The following ZNF578 variants were observed in gnomAD, a reference collection of about 807,000 sequenced individuals.
ZNF578 encodes zinc finger protein 578.
In ZNF578, 8 loss-of-function variants were observed where a neutral mutation model predicts 8.3. That is an observed-to-expected ratio of 0.96 (90% CI 0.56 to 1.74). The LOEUF (loss-of-function observed/expected upper bound fraction) is 1.74, where lower values mean the gene tolerates loss of function less well. Among genes scored for constraint, ZNF578 ranks in the 40% most tolerant of loss-of-function variants. ZNF578 has a pLI of 0.00. For synonymous variants in ZNF578, 206 were observed against 232.2 expected (o/e 0.89, Z 1.03); for missense variants, 726 against 707.5 (o/e 1.03, Z -0.30).
Position 52,514,375 on chromosome 19 carries a change from G to A in ZNF578, c.*2221G>A, listed in dbSNP as rs143639199. ...TTGCATCCAGTTCAGATCGAGGTCT[G>A]CATGCTTTCTAGTCTTTGTTATTTA... is the stretch of plus-strand genomic sequence containing the variant. On this transcript the variant is annotated 3_prime_UTR_variant, in exon 6 of 6. Transcript: ENST00000421239. 5.3e-5 allele frequency among the ~76,000 whole-genome samples: 8 copies of A among 152,256 alleles called. No individual in the cohort carries two copies. Among genetic ancestry groups the A allele is most frequent in the Middle Eastern group, 3.4e-3 (1 of 294 alleles).
intron 2 of ZNF578, among the ~76,000 whole-genome samples, chr19:52,475,996 G>A (rs747228798): frequency 3.3e-5 from 5 of 152,096 alleles, no homozygotes; most frequent in Non-Finnish European, 7.4e-5. Context: ...GGACTGTTAA[G>A]TATGCCTTGA....
chr19:52,458,371 G>T (rs926832754), intron 2 of ZNF578: 1 of 148,696 alleles, frequency 6.7e-6, no homozygotes, highest in African/African-American at 2.5e-5. Flanking sequence ...ATCTCTCAAG[G>T]TTCCCCTGTT....
chr19:52,511,967 A>G lies in ZNF578; in HGVS notation c.1586A>G (p.His529Arg). Residue 529 changes from histidine to arginine, a missense_variant, in exon 6 of 6, where the codon CAT becomes CGT. His to Arg is a conservative substitution (Grantham distance 29). Transcript: ENST00000421239. ...AATGTACAGTCACACCTTTCACGTC[A>G]TCATAGACTTCATACTGGAGAGAAA... Reference protein sequence around the residue: ...TFNVQSHLSRHHRLHTGEKPY... With the variant: ...TFNVQSHLSRRHRLHTGEKPY... The G allele has an allele frequency of 1.2e-6, 2 of 1,614,134 alleles. No homozygotes were observed. The highest frequency in any genetic ancestry group is 1.3e-5 in the African/African-American group (1 of 75,044).
intron 2 of ZNF578, among the ~76,000 whole-genome samples, chr19:52,483,232 A>G (rs912591583): frequency 1.5e-4 from 23 of 152,156 alleles, no homozygotes; most frequent in African/African-American, 4.8e-4. Flanking sequence ...CCTGACCAAC[A>G]TGGAGAAACC....
intron 5 of ZNF578, among the ~76,000 whole-genome samples, chr19:52,507,278 C>T (rs2059428627): frequency 6.6e-6 from 1 of 152,130 alleles, no homozygotes; most frequent in Non-Finnish European, 1.5e-5. Flanking sequence ...ATCCCAGCTT[C>T]TTGAGAGGCT....
intron 2 of ZNF578, among the ~76,000 whole-genome samples, chr19:52,486,357 G>C (rs1044097273): frequency 6.6e-6 from 1 of 152,128 alleles, no homozygotes; most frequent in Non-Finnish European, 1.5e-5. Context: ...GACCAGTGCC[G>C]TCGTGGGTCC....
At chr19:52,494,576 C>T (rs1352312468) in intron 3 of ZNF578, among the ~76,000 whole-genome samples, 5 of 152,198 alleles carry the variant, frequency 3.3e-5, no homozygotes, top group African/African-American at 1.2e-4. Context: ...GACATGTTGA[C>T]TTCTGTCTAT....
intron 5 of ZNF578, among the ~76,000 whole-genome samples, chr19:52,508,073 A>G (rs1352292343): frequency 1.3e-5 from 2 of 150,314 alleles, no homozygotes; most frequent in East Asian, 2.0e-4. Flanking sequence ...GAGGCGGGGC[A>G]CGGTGGCTCA....
rs1256256243 is a variant in ZNF578, at chr19:52,514,882, C to A, written c.*2728C>A. ...TTCACCATGTTTGTCAGGCTGGTCTCAAACTCCTGACCTCGCGATCCACCC... is the reference window on the plus strand; with the variant it reads ...TTCACCATGTTTGTCAGGCTGGTCTAAAACTCCTGACCTCGCGATCCACCC... On this transcript the variant is annotated 3_prime_UTR_variant, in exon 6 of 6. Coordinates refer to ENST00000421239, the MANE Select transcript of ZNF578 (RefSeq NM_001099694.2). Among the ~76,000 whole-genome samples, 1 of 151,084 alleles carries A rather than the reference C, an allele frequency of 6.6e-6. No individual in the cohort carries two copies. The highest frequency in any genetic ancestry group is 1.5e-5 in the Non-Finnish European group (1 of 67,894).
chr19:52,485,991 A>G (rs71358875), intron 2 of ZNF578, among the ~76,000 whole-genome samples: 14,320 of 152,136 alleles, frequency 0.094, 1,063 homozygotes, highest in African/African-American at 0.21. Flanking sequence ...GTGAAAGAGG[A>G]AGGCCTCTTT....
At chr19:52,490,028 C>G (rs1263430416) in intron 2 of ZNF578, among the ~76,000 whole-genome samples, 1 of 152,168 alleles carries the variant, frequency 6.6e-6, no homozygotes, top group Non-Finnish European at 1.5e-5. Flanking sequence ...TCTGAACATC[C>G]CTTTTGGCCA....
At chr19:52,495,227 C>T (rs1418405941) in intron 3 of ZNF578, among the ~76,000 whole-genome samples, 1 of 138,854 alleles carries the variant, frequency 7.2e-6, no homozygotes, top group Non-Finnish European at 1.6e-5. Context: ...TGCAAGGGCA[C>T]GATCTTGGCT....
intron 3 of ZNF578, among the ~76,000 whole-genome samples, chr19:52,492,157 C>CAAAAAAAAAAAAAA (rs869249180): frequency 1.5e-5 from 1 of 67,638 alleles, no homozygotes; most frequent in Non-Finnish European, 2.8e-5. Flanking sequence ...GATTCTGTCT[C>CAAAAAAAAAAAAAA]AAAAAAAAAA....
chr19:52,499,561 G>A (rs1176258596), intron 3 of ZNF578, among the ~76,000 whole-genome samples: 6 of 152,100 alleles, frequency 3.9e-5, no homozygotes, highest in Non-Finnish European at 5.9e-5. Context: ...AAACTTAGCT[G>A]AACTTGACAG....
rs6146551 is a variant in ZNF578, at chr19:52,458,468, T to TTATATATATATATATATATATATA, written c.-122+1525_-122+1526insATATATATATATATATATATATAT. ...AAAAAACAACAACTTGCTACTATGT[T>TTATATATATATATATATATATATA]TATATATATATATATTTTGAAAATC... On this transcript the variant is annotated intron_variant, in intron 2 of 5. Transcript: ENST00000421239. 195 of 121,730 alleles carry TTATATATATATATATATATATATA rather than the reference T, an allele frequency of 1.6e-3. 6 individuals carry two copies. The highest frequency in any genetic ancestry group is 3.2e-3 in the African/African-American group (80 of 25,280). The allele number at this position is 121,730 out of a possible 1,614,324, so 7.5% of individuals were successfully genotyped here.
At chr19:52,487,404 A>T (rs2059349348) in intron 2 of ZNF578, among the ~76,000 whole-genome samples, 1 of 152,174 alleles carries the variant, frequency 6.6e-6, no homozygotes, top group Admixed American at 6.5e-5. Flanking sequence ...TCTAATAACT[A>T]AAAACTTGTT....
rs145504936 is a variant in ZNF578, at chr19:52,503,153, G to A, written c.63+1245G>A. 1.4e-3 allele frequency among the ~76,000 whole-genome samples: 212 copies of A among 152,266 alleles called. 2 individuals are homozygous for A. The East Asian group carries it at 0.027, about 19-fold the overall frequency. On this transcript the variant is annotated intron_variant, in intron 4 of 5. Transcript: ENST00000421239. Reference sequence around the variant, plus strand: ...GATCTGCCTGTCTTGGACTCCCCAGGTGCTGGGATTAAAGGTGTGCACCAC... The same window carrying A: ...GATCTGCCTGTCTTGGACTCCCCAGATGCTGGGATTAAAGGTGTGCACCAC...
chr19:52,512,160 A>C lies in ZNF578; in HGVS notation c.*6A>C. 2 of 1,613,848 alleles carry C rather than the reference A, an allele frequency of 1.2e-6. No homozygotes were observed. Among genetic ancestry groups the C allele is most frequent in the Non-Finnish European group, 1.7e-6 (2 of 1,179,862 alleles). Reference sequence around the variant, plus strand: ...AGCCTTGCATGTCATCATAGACTTCATACTGGAGAGAAACCTTACAAATGT... The same window carrying C: ...AGCCTTGCATGTCATCATAGACTTCCTACTGGAGAGAAACCTTACAAATGT... On this transcript the variant is annotated 3_prime_UTR_variant, in exon 6 of 6. Transcript: ENST00000421239.
rs1051410312 is a variant in ZNF578, at chr19:52,495,404, C to T, written c.-20+3979C>T. On this transcript the variant is annotated intron_variant, in intron 3 of 5. Transcript: ENST00000421239. The stretch of plus-strand genomic sequence containing the variant: ...GGCAGAGGTTGTGGTGAGCTGAGAT[C>T]GCACCATTGTACTTCAGCGTGGGCA... Among the ~76,000 whole-genome samples the T allele has an allele frequency of 4.2e-4, 62 of 147,256 alleles. 1 individual carries two copies. The highest frequency in any genetic ancestry group is 3.4e-3 in the Middle Eastern group (1 of 292).
Sources: gnomAD v4.1 joint callset for allele counts (sites outside exome capture counted in the v4.1 genomes callset) on GRCh38, gnomAD v4.1.1 for gene constraint, MANE v1.5 for transcripts, NCBI Gene and HGNC (gene_info 2026-07-23, HGNC 2026-07-21) for gene names.